The following PSEN2 variants were observed in gnomAD, a reference collection of about 807,000 sequenced individuals.
PSEN2 encodes presenilin-2.
In PSEN2, 32 loss-of-function variants were observed where a neutral mutation model predicts 49.1. That is an observed-to-expected ratio of 0.65 (90% CI 0.49 to 0.88). The LOEUF is 0.88. Among genes scored for constraint, PSEN2 ranks in the 40% least tolerant of loss-of-function variants. The pLI, the probability that PSEN2 is intolerant of heterozygous loss-of-function variation, is 0.00. For missense variants in PSEN2, 522 were observed against 586.9 expected (o/e 0.89, Z 1.14); for synonymous variants, 255 against 244.0 (o/e 1.05, Z -0.42).
chr1:226,890,532 T>C (rs1661673410), intron 9 of PSEN2: 1 of 313,880 alleles, frequency 3.2e-6, no homozygotes, highest in African/African-American at 2.2e-5. Flanking sequence ...GCGTGGCTGA[T>C]TGGCATTAAT....
rs1661494039 is a variant in PSEN2, at chr1:226,888,135, C to A, written c.543C>A (p.Phe181Leu). The A allele has an allele frequency of 6.2e-7, 1 of 1,613,642 alleles. No homozygotes were observed. Among genetic ancestry groups the A allele is most frequent in the Non-Finnish European group, 8.5e-7 (1 of 1,179,584 alleles). The change falls in exon 7 of 13, where the codon TTC becomes TTA. Residue 181 changes from phenylalanine (F) to leucine (L), a missense_variant. Physicochemically the swap from Phe to Leu is conservative, Grantham distance 22. Coordinates refer to ENST00000366783, the MANE Select transcript of PSEN2 (RefSeq NM_000447.3). ...WLIMSSLMLL[F>L]LFTYIYLGEV... ...TCATGTCTTCACTGATGCTGCTGTT[C>A]CTCTTCACCTATATCTACCTTGGGT...
intron 5 of PSEN2, among the ~76,000 whole-genome samples, chr1:226,884,901 G>A (rs990218167): frequency 6.6e-6 from 1 of 152,144 alleles, no homozygotes; most frequent in African/African-American, 2.4e-5. Flanking sequence ...AACAGAGTGA[G>A]ACCCTGTCTC....
At chr1:226,884,814 T>G (rs1027456211) in intron 5 of PSEN2, 1 of 152,118 alleles carries the variant, frequency 6.6e-6, no homozygotes, top group Non-Finnish European at 1.5e-5. Context: ...CTTGGGAGAC[T>G]GAGGTGGAAG....
chr1:226,873,085 G>A (rs1333419713), intron 2 of PSEN2, among the ~76,000 whole-genome samples: 1 of 152,050 alleles, frequency 6.6e-6, no homozygotes, highest in Non-Finnish European at 1.5e-5. Flanking sequence ...GCTGAGGCAG[G>A]AGAATCGCTT....
intron 3 of PSEN2, among the ~76,000 whole-genome samples, chr1:226,880,909 G>A (rs908620084): frequency 1.3e-5 from 2 of 152,088 alleles, no homozygotes; most frequent in African/African-American, 4.8e-5. Context: ...AGGAGACCTG[G>A]TCCTCAGACA....
At chr1:226,896,371 A>T (rs778962109), downstream of PSEN2, among the ~76,000 whole-genome samples, 12 of 152,208 alleles carry the variant, frequency 7.9e-5, no homozygotes, top group Admixed American at 2.6e-4. Flanking sequence ...GGTGGCACAG[A>T]CACTGCCAGG....
intron 11 of PSEN2, among the ~76,000 whole-genome samples, chr1:226,893,766 T>A (rs1319511932): frequency 1.3e-5 from 2 of 152,222 alleles, no homozygotes; most frequent in African/African-American, 4.8e-5. Context: ...GTTTCAGAAC[T>A]GCCCGCTTTT....
At chr1:226,881,743 T>C in intron 3 of PSEN2, 145 bp from the exon 4 acceptor site, 1 of 878,748 alleles carries the variant, frequency 1.1e-6, no homozygotes, top group South Asian at 1.4e-5. Flanking sequence ...TTTATGGCAG[T>C]CGTTTGATTG....
At chr1:226,873,125 C>T (rs913328498) in intron 2 of PSEN2, among the ~76,000 whole-genome samples, 1 of 151,422 alleles carries the variant, frequency 6.6e-6, no homozygotes, top group Non-Finnish European at 1.5e-5. Context: ...TGCAGTGAGC[C>T]GAGATCGGGC....
At chr1:226,894,706 C>T (rs929701152) in intron 12 of PSEN2, among the ~76,000 whole-genome samples, 3 of 152,220 alleles carry the variant, frequency 2.0e-5, no homozygotes, top group African/African-American at 4.8e-5. Context: ...TTCGCTGTCA[C>T]GTTAGAGGAG....
intron 9 of PSEN2, chr1:226,891,012 C>T (rs1322278498): frequency 1.9e-6 from 1 of 524,484 alleles, no homozygotes; most frequent in Non-Finnish European, 3.5e-6. Flanking sequence ...GGGGATTCAC[C>T]CGTGAACTGT....
Position 226,883,689 on chromosome 1 carries a change from A to T in PSEN2, c.142-16A>T, listed in dbSNP as rs199699508. The T allele has an allele frequency of 6.2e-6, 10 of 1,612,544 alleles. No individual in the cohort carries two copies. The South Asian group carries it at 1.1e-4, about 18-fold the overall frequency. ...TGGGGGACATTCTGCGGCCCTCACGATGTGGTTTCCCACAGAGAAGCCAGG... is the reference window on the plus strand; with the variant it reads ...TGGGGGACATTCTGCGGCCCTCACGTTGTGGTTTCCCACAGAGAAGCCAGG... On this transcript the variant is annotated splice_polypyrimidine_tract_variant and intron_variant, in intron 4 of 12. Transcript: ENST00000366783.
intron 2 of PSEN2, among the ~76,000 whole-genome samples, chr1:226,874,613 G>A (rs747278384): frequency 1.3e-5 from 2 of 152,224 alleles, no homozygotes; most frequent in Non-Finnish European, 2.9e-5. Flanking sequence ...CACATCCATA[G>A]GCTACCGTGT....
At chr1:226,886,424 G>A (rs2236913) in intron 6 of PSEN2, among the ~76,000 whole-genome samples, 105,233 of 152,054 alleles carry the variant, frequency 0.69, 37,105 homozygotes, top group Non-Finnish European at 0.77. Context: ...TATAGCTGCC[G>A]AGTAGCCCCA....
intron 5 of PSEN2, 21 bp downstream of exon 5, chr1:226,883,940 G>T (rs751342739): frequency 1.6e-6 from 2 of 1,284,714 alleles, no homozygotes; most frequent in Admixed American, 1.8e-5. Context: ...GGGCTGGGGG[G>T]AGCAGGGTGG....
At chr1:226,896,476 C>G (rs1230095036), downstream of PSEN2, among the ~76,000 whole-genome samples, 1 of 152,224 alleles carries the variant, frequency 6.6e-6, no homozygotes, top group East Asian at 1.9e-4. Context: ...TCCTTTCCTT[C>G]TCTGGCTTTG....
Position 226,874,509 on chromosome 1 carries a change from C to CAA in PSEN2, c.-206-856_-206-855insAA, listed in dbSNP as rs879941427. The stretch of plus-strand genomic sequence containing the variant: ...GTTTACGTGGCCATAGTGCCTGGGG[C>CAA]TGGGCCGGGAATGGAAACTTGATCT... On this transcript the variant is annotated intron_variant, in intron 2 of 12. Coordinates refer to ENST00000366783, the MANE Select transcript of PSEN2 (RefSeq NM_000447.3). Among the ~76,000 whole-genome samples the CAA allele has an allele frequency of 1.3e-3, 193 of 152,238 alleles. No homozygotes were observed. In the Middle Eastern group the frequency reaches 0.014, roughly 11 times the overall value.
At chr1:226,890,014 A>G in intron 8 of PSEN2, 21 bp from the exon 9 acceptor site, 1 of 1,596,278 alleles carries the variant, frequency 6.3e-7, no homozygotes, top group Non-Finnish European at 8.6e-7. Context: ...TAGTTTGACA[A>G]GGATGTCTCT....
chr1:226,899,382 A>C (rs1662242332), downstream of PSEN2: 1 of 152,102 alleles, frequency 6.6e-6, no homozygotes, highest in Non-Finnish European at 1.5e-5. Context: ...CCTGACATAT[A>C]CCAAGTTTCC....
Sources: allele counts gnomAD v4.1 joint callset (sites outside exome capture counted in the v4.1 genomes callset), GRCh38; gene constraint gnomAD v4.1.1; transcripts MANE v1.5; gene names NCBI Gene and HGNC (gene_info 2026-07-23, HGNC 2026-07-21).